The following ZBTB10 variants were observed in gnomAD, a reference collection of about 807,000 sequenced individuals.
ZBTB10 encodes zinc finger and BTB domain-containing protein 10.
ZBTB10 carries 32 observed loss-of-function variants against 76.4 expected under a neutral mutation model. That is an observed-to-expected ratio of 0.42 (90% CI 0.32 to 0.56). The LOEUF (loss-of-function observed/expected upper bound fraction) is 0.56. ZBTB10 is among the 20% of genes least tolerant of loss of function. The probability of loss-of-function intolerance (pLI) is 0.14; values close to 1 mark genes in which losing one functional copy is unlikely to be tolerated. For synonymous variants in ZBTB10, 523 were observed against 432.9 expected, an observed-to-expected ratio of 1.21 and a Z score of -2.58; for missense variants, 1,057 against 1,098.5, an observed-to-expected ratio of 0.96 and a Z score of 0.53.
chr8:80,490,956 C>T (rs1297685622), intron 1 of ZBTB10, among the ~76,000 whole-genome samples: 1 of 152,198 alleles, frequency 6.6e-6, no homozygotes, highest in African/African-American at 2.4e-5. Context: ...GTAATCCCAG[C>T]ACTTTGCGGG....
At chr8:80,501,013 C>T (rs1200706582) in intron 2 of ZBTB10, among the ~76,000 whole-genome samples, 4 of 152,134 alleles carry the variant, frequency 2.6e-5, no homozygotes, top group Non-Finnish European at 4.4e-5. Flanking sequence ...ACTGCAGGTG[C>T]GTGCCACCAC....
rs1816410000 is a variant in ZBTB10, at chr8:80,519,598, C to T, written c.*70C>T. 2 of 1,429,530 alleles carry T rather than the reference C, an allele frequency of 1.4e-6. No homozygotes were observed. The highest frequency in any genetic ancestry group is 9.4e-7 in the Non-Finnish European group (1 of 1,061,202). 88.6% of individuals were successfully genotyped at this position (1,429,530 alleles called of 1,614,324 possible). ...TGAATCGACAATTTGGATTGTTGAA[C>T]TTGAAGGCTTGCAAAATATGGTACA... On this transcript the variant is annotated 3_prime_UTR_variant, in exon 6 of 6. Transcript: ENST00000455036.
At chr8:80,486,181 G>A (rs1176656311), upstream of ZBTB10, 5 of 1,012,718 alleles carry the variant, frequency 4.9e-6, no homozygotes, top group Admixed American at 2.4e-4. Flanking sequence ...CCCCTCCAGC[G>A]GTTACTGCTA....
At position 80,526,262 on chromosome 8, in the gene ZBTB10, A is replaced by G. The variant is rs1816559963; in HGVS notation, c.*6734A>G. ...AATACATCAATAAAGGTATTTTAAAATGACCTAATGTTTTAGTTGCCAACA... is the reference window on the plus strand; with the variant it reads ...AATACATCAATAAAGGTATTTTAAAGTGACCTAATGTTTTAGTTGCCAACA... On this transcript the variant is annotated 3_prime_UTR_variant, in exon 6 of 6. Coordinates refer to ENST00000455036, the MANE Select transcript of ZBTB10 (RefSeq NM_001105539.3). 6.6e-6 allele frequency: 1 copy of G among 152,220 alleles called. No individual in the cohort carries two copies. The highest frequency in any genetic ancestry group is 6.5e-5 in the Admixed American group (1 of 15,268). The allele number at this position is 152,220 out of a possible 1,614,324, so 9.4% of individuals were successfully genotyped here. A position where few individuals can be genotyped will look rare whatever the true frequency, so the allele number is the denominator to read the frequency against.
chr8:80,510,830 A>G (rs1158021709), intron 2 of ZBTB10, among the ~76,000 whole-genome samples: 1 of 152,234 alleles, frequency 6.6e-6, no homozygotes. Flanking sequence ...GATGCTGGAT[A>G]TCACAAAAGC....
At chr8:80,485,713 C>T (rs1288955046), upstream of ZBTB10, 2 of 1,416,042 alleles carry the variant, frequency 1.4e-6, no homozygotes, top group African/African-American at 1.4e-5. Context: ...TGAAAGGCAC[C>T]GCCTGGTCCA....
At chr8:80,519,148 G>A in intron 5 of ZBTB10, 75 bp from the exon 6 acceptor site, 1 of 1,475,200 alleles carries the variant, frequency 6.8e-7, no homozygotes, top group Non-Finnish European at 9.1e-7. Flanking sequence ...TAAATGTGTG[G>A]TTTAATTTGA....
chr8:80,518,816 C>T lies in ZBTB10; in HGVS notation c.2172C>T (p.Cys724=). ...CTCTAATCATGAACAAGTTAAAATG[C>T]CCTCATTGTAGCTATGTAGCCAAAT... ...ESSLIMNKLK[C]PHCSYVAKYR... is the part of the protein sequence containing the mutation. The change falls in exon 5 of 6, where the codon TGC becomes TGT. Residue 724 remains cysteine (C), a synonymous_variant. Coordinates refer to ENST00000455036, the MANE Select transcript of ZBTB10 (RefSeq NM_001105539.3). The T allele has an allele frequency of 1.2e-6, 2 of 1,612,062 alleles. No individual in the cohort carries two copies. The highest frequency in any genetic ancestry group is 1.1e-5 in the South Asian group (1 of 90,640).
intron 1 of ZBTB10, among the ~76,000 whole-genome samples, chr8:80,489,229 G>C (rs1815562496): frequency 6.6e-6 from 1 of 152,186 alleles, no homozygotes. Context: ...GTGAGCTTGG[G>C]CAATAGAGTG....
intron 2 of ZBTB10, among the ~76,000 whole-genome samples, chr8:80,508,802 T>C (rs910939023): frequency 2.0e-5 from 3 of 152,228 alleles, no homozygotes; most frequent in Non-Finnish European, 2.9e-5. Context: ...TGTCTATAGG[T>C]ATAACTAGTT....
intron 2 of ZBTB10, among the ~76,000 whole-genome samples, chr8:80,506,134 G>T (rs996410292): frequency 6.6e-6 from 1 of 151,936 alleles, no homozygotes; most frequent in Non-Finnish European, 1.5e-5. Flanking sequence ...CACAATGCTA[G>T]CCTTGAGTGT....
intron 1 of ZBTB10, among the ~76,000 whole-genome samples, chr8:80,497,264 T>C (rs768983053): frequency 1.2e-4 from 18 of 152,134 alleles, no homozygotes; most frequent in Non-Finnish European, 2.2e-4. Context: ...CAATACAACA[T>C]ACTGGTTTAA....
In ZBTB10 at chr8:80,519,528, A is replaced by G. The variant is rs1816408142; in HGVS notation, c.2616A>G (p.Ter872=). The change falls in exon 6 of 6, where the codon TAA becomes TAG. Residue 872 remains the stop codon, a stop_retained_variant. Transcript: ENST00000455036. The part of the protein sequence containing the change: ...SGEVCMSLDD[*] Reference sequence around the variant, plus strand: ...AAGTTTGTATGTCTCTAGATGATTAACTGACCTACTATACTCCTCAAGGAT... The same window carrying G: ...AAGTTTGTATGTCTCTAGATGATTAGCTGACCTACTATACTCCTCAAGGAT... The G allele has an allele frequency of 3.7e-6, 6 of 1,605,586 alleles. 1 individual carries two copies. In the South Asian group the frequency reaches 6.7e-5, roughly 18 times the overall value.
intron 1 of ZBTB10, among the ~76,000 whole-genome samples, chr8:80,496,832 C>T (rs1224131294): frequency 6.6e-6 from 1 of 152,164 alleles, no homozygotes; most frequent in Non-Finnish European, 1.5e-5. Flanking sequence ...TATATGCTGC[C>T]AGATATTTAG....
At position 80,518,475 on chromosome 8, in the gene ZBTB10, G is replaced by T. The variant is rs1485833600; in HGVS notation, c.2033G>T (p.Gly678Val). 6.4e-7 allele frequency: 1 copy of T among 1,553,070 alleles called. No individual in the cohort carries two copies. The highest frequency in any genetic ancestry group is 8.7e-7 in the Non-Finnish European group (1 of 1,147,860). Residue 678 changes from glycine (G) to valine (V), a missense_variant, in exon 4 of 6, where the codon GGT becomes GTT. Gly to Val is a moderately radical substitution (Grantham distance 109, BLOSUM62 -3). Transcript: ENST00000455036. Reference protein sequence around the residue: ...SNDFKYGLIPGTSNDFKYGLI... With the variant: ...SNDFKYGLIPVTSNDFKYGLI... ...GATTTCAAGTATGGATTGATACCAGGTACTTCAAATGATTTCAAGTATGGA... is the reference window on the plus strand; with the variant it reads ...GATTTCAAGTATGGATTGATACCAGTTACTTCAAATGATTTCAAGTATGGA...
Position 80,500,140 on chromosome 8 carries a change from A to G in ZBTB10, c.1619A>G (p.Gln540Arg). ...CAAATGAATGACAGTAGTTGGGTCC[A>G]GGATGGATCTCCTGAAATGGCTGAA... ...NYQMNDSSWV[Q>R]DGSPEMAENE... Residue 540 changes from glutamine (Q) to arginine (R), a missense_variant, in exon 2 of 6, where the codon CAG becomes CGG. Around this residue, in one of 5 missense-constraint regions of ZBTB10, gnomAD observed 306 missense variants for 297.5 expected, o/e 1.03. Coordinates refer to ENST00000455036, the MANE Select transcript of ZBTB10 (RefSeq NM_001105539.3). 1.9e-6 allele frequency: 3 copies of G among 1,613,852 alleles called. No homozygotes were observed. The highest frequency in any genetic ancestry group is 2.5e-6 in the Non-Finnish European group (3 of 1,179,794).
upstream of ZBTB10, chr8:80,485,934 T>C: frequency 6.6e-7 from 1 of 1,512,018 alleles, no homozygotes; most frequent in South Asian, 1.2e-5. Context: ...CGCCAGCTGT[T>C]TGTCCTCCGC....
intron 1 of ZBTB10, among the ~76,000 whole-genome samples, chr8:80,493,939 C>CAA (rs1479409350): frequency 1.3e-5 from 2 of 152,326 alleles, no homozygotes; most frequent in South Asian, 4.1e-4. Context: ...TGCCATCACT[C>CAA]AGAGATATAG....
At chr8:80,497,058 C>G (rs887430237) in intron 1 of ZBTB10, among the ~76,000 whole-genome samples, 1 of 152,142 alleles carries the variant, frequency 6.6e-6, no homozygotes, top group Non-Finnish European at 1.5e-5. Context: ...TACTCAGTCT[C>G]AAAAGGGAAA....
Sources: gnomAD v4.1 joint callset for allele counts (sites outside exome capture counted in the v4.1 genomes callset) on GRCh38, gnomAD v4.1.1 for gene constraint, gnomAD v4.1.1 regional missense constraint, MANE v1.5 for transcripts, NCBI Gene and HGNC (gene_info 2026-07-23, HGNC 2026-07-21) for gene names.